The following DBNL variants were observed in gnomAD, a reference collection of about 807,000 sequenced individuals.
The protein encoded by DBNL is drebrin-like protein.
DBNL carries 35 observed loss-of-function variants against 62.2 expected under a neutral mutation model. The ratio of observed to expected loss-of-function variants is 0.56; its 90% CI spans 0.43 to 0.75. The LOEUF is 0.75. Ranked by LOEUF, DBNL falls within the 30% of genes least tolerant of loss-of-function variation. DBNL has a pLI of 0.00. For synonymous variants in DBNL, 197 were observed against 218.0 expected, an observed-to-expected ratio of 0.90 and a Z score of 0.85; for missense variants, 495 against 578.4, an observed-to-expected ratio of 0.86 and a Z score of 1.48.
chr7:44,060,972 A>G lies in DBNL; in HGVS notation c.*56A>G. The G allele has an allele frequency of 6.3e-7, 1 of 1,586,788 alleles. No homozygotes were observed. Among genetic ancestry groups the G allele is most frequent in the South Asian group, 1.1e-5 (1 of 88,144 alleles). On this transcript the variant is annotated 3_prime_UTR_variant, in exon 13 of 13. Transcript: ENST00000448521. This position sits in a 1 kb window ranked among gnomAD's most constrained non-coding sequence, Gnocchi z 6.3. The stretch of plus-strand genomic sequence containing the variant: ...CAGACATGGCTTCCTTATTGCTGGA[A>G]GAGGAGGCCTGGGAGTTGACATTCA...
chr7:44,062,962 C>T lies in DBNL; in HGVS notation c.*2046C>T. On this transcript the variant is annotated 3_prime_UTR_variant, in exon 13 of 13. Coordinates refer to ENST00000448521, the MANE Select transcript of DBNL (RefSeq NM_001014436.3). ...CGGAAGGAATAGGTGTCCTTAGCCC[C>T]TCTGTCCCCAGCCTGTTTACACAGC... 1 of 1,612,824 alleles carries T rather than the reference C, an allele frequency of 6.2e-7. No homozygotes were observed. Among genetic ancestry groups the T allele is most frequent in the Non-Finnish European group, 8.5e-7 (1 of 1,178,816 alleles).
chr7:44,044,876 T>C, intron 1 of DBNL, 56 bp downstream of exon 1: 4 of 1,340,854 alleles, frequency 3.0e-6, no homozygotes, highest in Non-Finnish European at 3.8e-6. Flanking sequence ...GGTGGGTCTG[T>C]CTGGGGCGAG....
rs2096158583 is a variant in DBNL at position 44,065,594 on chromosome 7, A to G, written c.*4678A>G. On this transcript the variant is annotated 3_prime_UTR_variant, in exon 13 of 13. Coordinates refer to ENST00000448521, the MANE Select transcript of DBNL (RefSeq NM_001014436.3). ...GCTGCTTCCCAACACTCCCAGCTTT[A>G]TAATAGTGTCTTCCCAGCCCCCACC... 5.3e-6 allele frequency: 8 copies of G among 1,497,192 alleles called. No homozygotes were observed. In the South Asian group the frequency reaches 7.9e-5, roughly 15 times the overall value. The allele number at this position is 1,497,192 out of a possible 1,614,324, so 92.7% of individuals were successfully genotyped here.
intron 3 of DBNL, among the ~76,000 whole-genome samples, chr7:44,052,463 A>G (rs565960564): frequency 6.6e-6 from 1 of 152,208 alleles, no homozygotes; most frequent in East Asian, 1.9e-4. Context: ...ACAAAAAATT[A>G]GCTGGGCATG....
At position 44,065,418 on chromosome 7, in the gene DBNL, C is replaced by A; in HGVS notation, c.*4502C>A. The A allele has an allele frequency of 6.2e-7, 1 of 1,614,122 alleles. No homozygotes were observed. Among genetic ancestry groups the A allele is most frequent in the Non-Finnish European group, 8.5e-7 (1 of 1,180,036 alleles). The stretch of plus-strand genomic sequence containing the variant: ...TTGATGGCCTTGGCTCCCCGCTTGG[C>A]CTCCTCGGTCCCCTTTTCACTCAGC... On this transcript the variant is annotated 3_prime_UTR_variant, in exon 13 of 13. Transcript: ENST00000448521.
chr7:44,062,528 G>A lies in DBNL; in HGVS notation c.*1612G>A. On this transcript the variant is annotated 3_prime_UTR_variant, in exon 13 of 13. Coordinates refer to ENST00000448521, the MANE Select transcript of DBNL (RefSeq NM_001014436.3). ...CTCTGAAGCTTCAGGGTCACCACAG[G>A]CTTGTCCTGACTGCAAACTCATGGA... is the stretch of plus-strand genomic sequence containing the variant. The A allele has an allele frequency of 1.8e-6, 1 of 569,750 alleles. No homozygotes were observed. Among genetic ancestry groups the A allele is most frequent in the South Asian group, 2.0e-5 (1 of 50,432 alleles). 35.3% of individuals were successfully genotyped at this position (569,750 alleles called of 1,614,324 possible).
At position 44,059,431 on chromosome 7, in the gene DBNL, A is replaced by G. The variant is rs1246735425; in HGVS notation, c.913A>G (p.Ile305Val). Residue 305 changes from isoleucine (I) to valine (V), a missense_variant, in exon 10 of 13, where the codon ATC becomes GTC. Coordinates refer to ENST00000448521, the MANE Select transcript of DBNL (RefSeq NM_001014436.3). This position sits in a 1 kb window ranked among gnomAD's most constrained non-coding sequence, Gnocchi z 4.1. ...THFGREPAAA[I>V]SRPRADLPAE... ...CTTTGGCAGAGAGCCAGCTGCTGCC[A>G]TCTCAAGGCCCAGGGCAGGCAAGGC... 5.6e-6 allele frequency: 9 copies of G among 1,613,986 alleles called. No homozygotes were observed. Among genetic ancestry groups the G allele is most frequent in the Non-Finnish European group, 7.6e-6 (9 of 1,180,020 alleles).
Position 44,063,147 on chromosome 7 carries a change from G to T in DBNL, c.*2231G>T. 2 of 594,340 alleles carry T rather than the reference G, an allele frequency of 3.4e-6. No individual in the cohort carries two copies. The highest frequency in any genetic ancestry group is 2.4e-5 in the Admixed American group (1 of 41,184). The allele number at this position is 594,340 out of a possible 1,614,324, so 36.8% of individuals were successfully genotyped here. A position where few individuals can be genotyped will look rare whatever the true frequency, so the allele number is the denominator to read the frequency against. ...ATAGCCCAGTGGTGAAAAAAATGGG[G>T]ACTTCAGCCCCACCCAAGTGGCTGT... is the stretch of plus-strand genomic sequence containing the variant. On this transcript the variant is annotated 3_prime_UTR_variant, in exon 13 of 13. Coordinates refer to ENST00000448521, the MANE Select transcript of DBNL (RefSeq NM_001014436.3).
At chr7:44,048,919 A>G (rs1318303883) in intron 1 of DBNL, among the ~76,000 whole-genome samples, 1 of 152,210 alleles carries the variant, frequency 6.6e-6, no homozygotes, top group Non-Finnish European at 1.5e-5. Context: ...CAATGGCATC[A>G]TCATGGCTCA....
rs2096151617 is a variant in DBNL, at chr7:44,062,773, C to A, written c.*1857C>A. 1 of 1,614,218 alleles carries A rather than the reference C, an allele frequency of 6.2e-7. No individual in the cohort carries two copies. The highest frequency in any genetic ancestry group is 1.7e-5 in the Admixed American group (1 of 60,034). On this transcript the variant is annotated 3_prime_UTR_variant, in exon 13 of 13. Transcript: ENST00000448521. The stretch of plus-strand genomic sequence containing the variant: ...TGCCCAAGCCCACCCCTCACTTGGC[C>A]TTGCCCTGGGCAGCCACAGCCTCCA...
At chr7:44,057,883 T>C in intron 6 of DBNL, 24 bp downstream of exon 6, 1 of 1,613,924 alleles carries the variant, frequency 6.2e-7, no homozygotes, top group Non-Finnish European at 8.5e-7. Context: ...CGGGGCATGC[T>C]GGGCACGTGG....
At chr7:44,048,643 G>C (rs368392037) in intron 1 of DBNL, among the ~76,000 whole-genome samples, 21 of 152,210 alleles carry the variant, frequency 1.4e-4, no homozygotes, top group Non-Finnish European at 2.6e-4. Context: ...CTGTCCGACT[G>C]TTTATCCCTG....
intron 2 of DBNL, chr7:44,051,585 TA>T (rs917264871): frequency 1.4e-4 from 47 of 344,128 alleles, no homozygotes; most frequent in South Asian, 3.1e-4. Context: ...CGAGTGTGGG[TA>T]AAAAAAATTA....
At position 44,059,207 on chromosome 7, in the gene DBNL, C is replaced by A; in HGVS notation, c.836-147C>A. 1.1e-6 allele frequency: 1 copy of A among 931,512 alleles called. No individual in the cohort carries two copies. Among genetic ancestry groups the A allele is most frequent in the Non-Finnish European group, 1.6e-6 (1 of 620,838 alleles). 57.7% of individuals were successfully genotyped at this position (931,512 alleles called of 1,614,324 possible). A position where few individuals can be genotyped will look rare whatever the true frequency, so the allele number is the denominator to read the frequency against. On this transcript the variant is annotated intron_variant, in intron 9 of 12. Coordinates refer to ENST00000448521, the MANE Select transcript of DBNL (RefSeq NM_001014436.3). The surrounding 1 kb of genome is among the most constrained non-coding windows in gnomAD (Gnocchi z 4.1). ...CGCTGTCTACCACGTCACCACATAGCACATGGCCCTGGGGCCTCTGTTCCT... is the reference window on the plus strand; with the variant it reads ...CGCTGTCTACCACGTCACCACATAGAACATGGCCCTGGGGCCTCTGTTCCT...
rs2096113601 is a variant in DBNL, at chr7:44,044,734, G to C, written c.-4G>C. 1 of 1,504,004 alleles carries C rather than the reference G, an allele frequency of 6.6e-7. No homozygotes were observed. The highest frequency in any genetic ancestry group is 1.5e-5 in the African/African-American group (1 of 68,684). 93.2% of individuals were successfully genotyped at this position (1,504,004 alleles called of 1,614,324 possible). Reference sequence around the variant, plus strand: ...GCAGCGGCGCGGAGACTGCGGGGCGGGCCATGGCGGCGAACCTGAGCCGGA... The same window carrying C: ...GCAGCGGCGCGGAGACTGCGGGGCGCGCCATGGCGGCGAACCTGAGCCGGA... On this transcript the variant is annotated 5_prime_UTR_variant, in exon 1 of 13. Coordinates refer to ENST00000448521, the MANE Select transcript of DBNL (RefSeq NM_001014436.3).
At chr7:44,053,301 T>G (rs1393294864) in intron 4 of DBNL, among the ~76,000 whole-genome samples, 1 of 152,354 alleles carries the variant, frequency 6.6e-6, no homozygotes, top group East Asian at 1.9e-4. Flanking sequence ...GTGCCCACCA[T>G]CTTAGCACGC....
chr7:44,044,882 G>A, intron 1 of DBNL, 62 bp downstream of exon 1: 1 of 1,355,968 alleles, frequency 7.4e-7, no homozygotes, highest in Non-Finnish European at 9.5e-7. Context: ...TCTGTCTGGG[G>A]CGAGCGGGGG....
Position 44,065,218 on chromosome 7 carries a change from G to A in DBNL, c.*4302G>A, listed in dbSNP as rs780071162. 11 of 1,613,890 alleles carry A rather than the reference G, an allele frequency of 6.8e-6. No individual in the cohort carries two copies. Among genetic ancestry groups the A allele is most frequent in the South Asian group, 3.3e-5 (3 of 91,090 alleles). ...TCACCTGCTCCTCCCCGTGCTTGGCGGCCGTTTCTGCCTTGTTGAGGCCTG... is the reference window on the plus strand; with the variant it reads ...TCACCTGCTCCTCCCCGTGCTTGGCAGCCGTTTCTGCCTTGTTGAGGCCTG... On this transcript the variant is annotated 3_prime_UTR_variant, in exon 13 of 13. Coordinates refer to ENST00000448521, the MANE Select transcript of DBNL (RefSeq NM_001014436.3).
intron 1 of DBNL, among the ~76,000 whole-genome samples, chr7:44,046,694 C>T (rs1049623397): frequency 6.6e-6 from 1 of 152,198 alleles, no homozygotes; most frequent in African/African-American, 2.4e-5. Context: ...CCACCCTCAT[C>T]GTCACAGCCA....
Sources: allele counts gnomAD v4.1 joint callset (sites outside exome capture counted in the v4.1 genomes callset), GRCh38; gene constraint gnomAD v4.1.1; non-coding constraint Gnocchi (gnomAD v3.1); transcripts MANE v1.5; gene names NCBI Gene and HGNC (gene_info 2026-07-23, HGNC 2026-07-21).